Variants in KCTD16 observed in about 807,000 individuals in gnomAD.
KCTD16 encodes the protein potassium channel tetramerization domain containing 16.
Under a neutral mutation model 33.2 loss-of-function variants are expected in KCTD16, and 13 were observed. The observed-to-expected ratio is 0.39, with a 90% CI of 0.25 to 0.62. The LOEUF is 0.62. KCTD16 is among the 20% of genes least tolerant of loss of function. The pLI is 0.50. For missense variants in KCTD16, 441 were observed against 525.1 expected, an observed-to-expected ratio of 0.84 and a Z score of 1.57; for synonymous variants, 197 against 195.3, an observed-to-expected ratio of 1.01 and a Z score of -0.07.
chr5:144,257,304 T>C (rs1179265415), intron 3 of KCTD16, among the ~76,000 whole-genome samples: 1 of 152,188 alleles, frequency 6.6e-6, no homozygotes, highest in African/African-American at 2.4e-5. Flanking sequence ...AGTTTTTTTG[T>C]AAATGCTCAA....
At chr5:144,281,064 TC>T (rs1483687392) in intron 3 of KCTD16, among the ~76,000 whole-genome samples, 1 of 116,494 alleles carries the variant, frequency 8.6e-6, no homozygotes, top group East Asian at 2.4e-4. Context: ...AGCCTGTAGT[TC>T]CAGCTACTCG....
Position 144,439,178 on chromosome 5 carries a change from G to A in KCTD16, c.833-34482G>A, listed in dbSNP as rs146231804. On this transcript the variant is annotated intron_variant, in intron 3 of 3. Coordinates refer to ENST00000512467, the MANE Select transcript of KCTD16 (RefSeq NM_020768.4). ...GAGTTGCTTGGATGTTGGCGGTGTGGGGCTGAAAGCTTGCAGACACAGCGA... is the reference window on the plus strand; with the variant it reads ...GAGTTGCTTGGATGTTGGCGGTGTGAGGCTGAAAGCTTGCAGACACAGCGA... 4.5e-4 allele frequency: 79 copies of A among 175,202 alleles called. 1 individual carries two copies. The East Asian group carries it at 0.011, about 25-fold the overall frequency. The allele number at this position is 175,202 out of a possible 1,614,324, so 10.9% of individuals were successfully genotyped here.
chr5:144,358,199 G>T (rs1263453371), intron 3 of KCTD16, among the ~76,000 whole-genome samples: 2 of 150,000 alleles, frequency 1.3e-5, no homozygotes, highest in Admixed American at 6.7e-5. Flanking sequence ...CTCCCAAAGT[G>T]CTGGGATTAT....
At chr5:144,409,895 G>GA (rs1752894575) in intron 3 of KCTD16, among the ~76,000 whole-genome samples, 1 of 152,170 alleles carries the variant, frequency 6.6e-6, no homozygotes, top group Admixed American at 6.5e-5. Flanking sequence ...CTATGGTGGG[G>GA]GAGTTTTGTG....
chr5:144,466,615 T>C (rs1332067469), intron 3 of KCTD16, among the ~76,000 whole-genome samples: 1 of 151,986 alleles, frequency 6.6e-6, no homozygotes, highest in Non-Finnish European at 1.5e-5. Context: ...TCATAGAAAA[T>C]TTTCATGTTT....
chr5:144,258,335 A>G (rs1354137950), intron 3 of KCTD16, among the ~76,000 whole-genome samples: 1 of 151,914 alleles, frequency 6.6e-6, no homozygotes, highest in Non-Finnish European at 1.5e-5. Context: ...TAATAATCAT[A>G]TATAGTATAA....
intron 3 of KCTD16, among the ~76,000 whole-genome samples, chr5:144,406,587 G>C (rs886751219): frequency 6.6e-6 from 1 of 152,106 alleles, no homozygotes; most frequent in Non-Finnish European, 1.5e-5. Context: ...GAGATGCACC[G>C]GTTATGGTTT....
chr5:144,352,507 A>G (rs1244935121), intron 3 of KCTD16, among the ~76,000 whole-genome samples: 1 of 152,172 alleles, frequency 6.6e-6, no homozygotes, highest in Non-Finnish European at 1.5e-5. Context: ...TGCTACTTGG[A>G]AAAGAGTTTC....
intron 3 of KCTD16, among the ~76,000 whole-genome samples, chr5:144,223,134 G>A (rs1287592259): frequency 6.6e-6 from 1 of 152,100 alleles, no homozygotes; most frequent in Non-Finnish European, 1.5e-5. Flanking sequence ...CACACACCAG[G>A]GTCTGTTGTG....
At chr5:144,344,812 C>A (rs1178060050) in intron 3 of KCTD16, among the ~76,000 whole-genome samples, 1 of 150,148 alleles carries the variant, frequency 6.7e-6, no homozygotes, top group Non-Finnish European at 1.5e-5. Context: ...CCTCAGGGAT[C>A]TAGAACTAGA....
chr5:144,262,188 C>T (rs1755032932), intron 3 of KCTD16, among the ~76,000 whole-genome samples: 1 of 152,128 alleles, frequency 6.6e-6, no homozygotes, highest in African/African-American at 2.4e-5. Context: ...GAACCAAGAC[C>T]TGTAACCTGA....
intron 3 of KCTD16, among the ~76,000 whole-genome samples, chr5:144,278,505 T>A (rs1364202705): frequency 6.9e-6 from 1 of 144,544 alleles, no homozygotes; most frequent in Non-Finnish European, 1.5e-5. Context: ...TTTTTTTTTT[T>A]TTTGAGACGG....
At chr5:144,299,133 TATATATATATA>T (rs1195283928) in intron 3 of KCTD16, among the ~76,000 whole-genome samples, 11 of 32,206 alleles carry the variant, frequency 3.4e-4, no homozygotes, top group African/African-American at 1.1e-3. Context: ...TATATATATA[TATATATATATA>T]TATATTTTTT....
chr5:144,275,065 G>T (rs1426372889), intron 3 of KCTD16, among the ~76,000 whole-genome samples: 1 of 152,170 alleles, frequency 6.6e-6, no homozygotes, highest in African/African-American at 2.4e-5. Context: ...TCCTATTAAA[G>T]ATTTCTGGAA....
In KCTD16 at chr5:144,187,170, A is replaced by AT. The variant is rs573633372; in HGVS notation, c.-327+12707dup. Among the ~76,000 whole-genome samples, 785 of 151,550 alleles carry AT rather than the reference A, an allele frequency of 5.2e-3. 5 individuals are homozygous for AT. Among genetic ancestry groups the AT allele is most frequent in the African/African-American group, 0.016 (659 of 41,344 alleles). On this transcript the variant is annotated intron_variant, in intron 2 of 3. Transcript: ENST00000512467. ...CAAATCTCATTTATTTCTTAGACTC[A>AT]TTTTTTTTTCCAGATTATTAGCTAC...
At chr5:144,245,613 A>T (rs1359971214) in intron 3 of KCTD16, among the ~76,000 whole-genome samples, 1 of 152,164 alleles carries the variant, frequency 6.6e-6, no homozygotes, top group South Asian at 2.1e-4. Context: ...GTAATCCCCA[A>T]TCTTGGAGGT....
At chr5:144,233,785 A>G (rs1754172516) in intron 3 of KCTD16, among the ~76,000 whole-genome samples, 1 of 152,180 alleles carries the variant, frequency 6.6e-6, no homozygotes, top group Non-Finnish European at 1.5e-5. Context: ...AGAGTTGCCC[A>G]GGTGTTTGAA....
At chr5:144,469,504 G>A (rs772196902) in intron 3 of KCTD16, among the ~76,000 whole-genome samples, 1 of 152,120 alleles carries the variant, frequency 6.6e-6, no homozygotes, top group African/African-American at 2.4e-5. Flanking sequence ...ATGGAATAGC[G>A]TCAGCATTGT....
chr5:144,350,317 G>A (rs748928764), intron 3 of KCTD16, among the ~76,000 whole-genome samples: 3 of 151,912 alleles, frequency 2.0e-5, no homozygotes, highest in Non-Finnish European at 4.4e-5. Flanking sequence ...CAAACACAAG[G>A]CCTGGTTATT....
Sources: allele counts gnomAD v4.1 joint callset (sites outside exome capture counted in the v4.1 genomes callset), GRCh38; gene constraint gnomAD v4.1.1; transcripts MANE v1.5; gene names NCBI Gene and HGNC (gene_info 2026-07-23, HGNC 2026-07-21).